ATP10B: variants seen among roughly 807,000 people sequenced by gnomAD.
ATP10B encodes the protein ATPase phospholipid transporting 10B (putative), also known as phospholipid-transporting ATPase VB.
Under a neutral mutation model 141.2 loss-of-function variants are expected in ATP10B, and 122 were observed. That is an observed-to-expected ratio of 0.86 (90% CI 0.75 to 1.00). The LOEUF (loss-of-function observed/expected upper bound fraction) is 1.00, where lower values mean the gene tolerates loss of function less well. ATP10B is among the 50% of genes least tolerant of loss of function. The pLI, the probability that ATP10B is intolerant of heterozygous loss-of-function variation, is 0.00. For missense variants in ATP10B, 1,876 were observed against 1,825.3 expected (o/e 1.03, Z -0.51); for synonymous variants, 685 against 692.0 (o/e 0.99, Z 0.16).
chr5:160,728,391 TCTAA>T (rs1766512918), intron 2 of ATP10B, among the ~76,000 whole-genome samples: 1 of 152,198 alleles, frequency 6.6e-6, no homozygotes, highest in Non-Finnish European at 1.5e-5. Flanking sequence ...ATTTCAATTA[TCTAA>T]CTATACGTAT....
At chr5:160,689,246 T>G (rs1202535549) in intron 3 of ATP10B, among the ~76,000 whole-genome samples, 1 of 152,180 alleles carries the variant, frequency 6.6e-6, no homozygotes, top group Non-Finnish European at 1.5e-5. Context: ...TAAGAGCCAT[T>G]TATTACAAAC....
At chr5:160,687,573 G>A (rs1478562888) in intron 5 of ATP10B, among the ~76,000 whole-genome samples, 1 of 152,098 alleles carries the variant, frequency 6.6e-6, no homozygotes, top group Non-Finnish European at 1.5e-5. Context: ...AGACCAGCTT[G>A]GGCAACGTGG....
chr5:160,822,989 C>CATATACAT (rs1774248741), intron 1 of ATP10B, among the ~76,000 whole-genome samples: 1 of 69,706 alleles, frequency 1.4e-5, no homozygotes, highest in African/African-American at 4.8e-5. Context: ...ATTACATATA[C>CATATACAT]ATATATATAT....
intron 6 of ATP10B, among the ~76,000 whole-genome samples, chr5:160,684,300 A>G (rs1181374725): frequency 6.6e-6 from 1 of 152,248 alleles, no homozygotes; most frequent in Non-Finnish European, 1.5e-5. Flanking sequence ...TCTAAGAATT[A>G]TCTCCTGCAA....
chr5:160,928,467 G>T, the ATP10B span, among the ~76,000 whole-genome samples: 3 of 152,080 alleles, frequency 2.0e-5, no homozygotes, highest in Non-Finnish European at 4.4e-5. Context: ...TTTGAAACTG[G>T]AAGACTCTTG....
At chr5:160,701,502 C>T (rs542180316) in intron 3 of ATP10B, among the ~76,000 whole-genome samples, 47 of 152,262 alleles carry the variant, frequency 3.1e-4, no homozygotes, top group African/African-American at 1.1e-3. Context: ...CATTTTAGCC[C>T]TTAGTTCTGG....
chr5:160,707,178 T>C (rs1765069741), intron 3 of ATP10B, among the ~76,000 whole-genome samples: 1 of 152,140 alleles, frequency 6.6e-6, no homozygotes, highest in Non-Finnish European at 1.5e-5. Flanking sequence ...CTTAAACTCC[T>C]GACCTCAGGT....
At position 160,840,490 on chromosome 5, in the gene ATP10B, A is replaced by T. The variant is rs372945154; in HGVS notation, c.-576+11451T>A. On this transcript the variant is annotated intron_variant, in intron 1 of 25. Coordinates refer to ENST00000327245, the MANE Select transcript of ATP10B (RefSeq NM_025153.3). ...TCTTTTAAATAAATGATGTTGGGCA[A>T]CTGGATAACCATTTTTTCACAAATA... Among the ~76,000 whole-genome samples the T allele has an allele frequency of 1.8e-4, 28 of 152,140 alleles. 1 individual carries two copies. The highest frequency in any genetic ancestry group is 1.3e-3 in the Admixed American group (20 of 15,266).
intron 6 of ATP10B, among the ~76,000 whole-genome samples, chr5:160,674,468 GGTAA>G (rs2127730603): frequency 6.6e-6 from 1 of 152,316 alleles, no homozygotes; most frequent in Non-Finnish European, 1.5e-5. Context: ...ACCCACAAGT[GGTAA>G]GTCAGACTAG....
chr5:160,923,773 A>G, the ATP10B span, among the ~76,000 whole-genome samples: 1 of 152,230 alleles, frequency 6.6e-6, no homozygotes, highest in African/African-American at 2.4e-5. Flanking sequence ...CTAGTCCTCA[A>G]GCCAAGAAGC....
chr5:160,693,660 A>G (rs1048224745), intron 3 of ATP10B, among the ~76,000 whole-genome samples: 5 of 152,150 alleles, frequency 3.3e-5, no homozygotes, highest in Non-Finnish European at 7.4e-5. Context: ...GTTTCATGGA[A>G]GACAATTTTT....
At chr5:160,609,711 T>G (rs542239233) in intron 18 of ATP10B, among the ~76,000 whole-genome samples, 2 of 152,134 alleles carry the variant, frequency 1.3e-5, no homozygotes, top group East Asian at 3.9e-4. Flanking sequence ...AATAAAGACA[T>G]AGTTTATTAT....
intron 2 of ATP10B, among the ~76,000 whole-genome samples, chr5:160,766,183 T>A (rs1769394212): frequency 6.6e-6 from 1 of 152,116 alleles, no homozygotes; most frequent in African/African-American, 2.4e-5. Flanking sequence ...ACCATTTGAT[T>A]CAGCAATCCC....
rs1753848455 is a variant in ATP10B, at chr5:160,852,137, C to A, written c.-772G>T. The A allele has an allele frequency of 6.6e-6, 1 of 152,082 alleles. No homozygotes were observed. Among genetic ancestry groups the A allele is most frequent in the East Asian group, 1.9e-4 (1 of 5,190 alleles). The allele number at this position is 152,082 out of a possible 1,614,324, so 9.4% of individuals were successfully genotyped here. A position where few individuals can be genotyped will look rare whatever the true frequency, so the allele number is the denominator to read the frequency against. ...CCTCAGAAACTTAGAGAAGATGACACACTGAAAAGAAATAACTGTGACCAA... is the reference window on the plus strand; with the variant it reads ...CCTCAGAAACTTAGAGAAGATGACAAACTGAAAAGAAATAACTGTGACCAA... On this transcript the variant is annotated 5_prime_UTR_variant, in exon 1 of 26. Transcript: ENST00000327245.
chr5:160,702,030 C>T (rs1764712505), intron 3 of ATP10B, among the ~76,000 whole-genome samples: 1 of 152,232 alleles, frequency 6.6e-6, no homozygotes, highest in African/African-American at 2.4e-5. Context: ...TCAGTTGCCA[C>T]TCTAACCCCC....
At chr5:160,761,331 G>C (rs760826672) in intron 2 of ATP10B, among the ~76,000 whole-genome samples, 1 of 152,176 alleles carries the variant, frequency 6.6e-6, no homozygotes, top group Non-Finnish European at 1.5e-5. Flanking sequence ...GCAGGTGCTG[G>C]TATCCATGGC....
At chr5:160,700,026 CCTT>C (rs1187593503) in intron 3 of ATP10B, among the ~76,000 whole-genome samples, 1 of 152,054 alleles carries the variant, frequency 6.6e-6, no homozygotes, top group Non-Finnish European at 1.5e-5. Flanking sequence ...GGGGCTGTCC[CCTT>C]CTTTGGTTTC....
the ATP10B span, among the ~76,000 whole-genome samples, chr5:160,927,290 A>T: frequency 1.3e-5 from 2 of 152,186 alleles, no homozygotes; most frequent in African/African-American, 4.8e-5. Context: ...CAGCTTTCTG[A>T]AATTGTATTG....
chr5:160,619,109 C>T (rs921175763), intron 15 of ATP10B, among the ~76,000 whole-genome samples: 15 of 152,092 alleles, frequency 9.9e-5, no homozygotes, highest in Admixed American at 2.0e-4. Flanking sequence ...TCGCCTGATT[C>T]GGCACTATTT....
Sources: gnomAD v4.1 joint callset for allele counts (sites outside exome capture counted in the v4.1 genomes callset) on GRCh38, gnomAD v4.1.1 for gene constraint, MANE v1.5 for transcripts, NCBI Gene and HGNC (gene_info 2026-07-23, HGNC 2026-07-21) for gene names.